The following KLHL25 variants were observed in gnomAD, a reference collection of about 807,000 sequenced individuals.
KLHL25 encodes kelch like family member 25.
In KLHL25, 41 loss-of-function variants were observed where a neutral mutation model predicts 30.0. The ratio of observed to expected loss-of-function variants is 1.37; its 90% CI spans 1.07 to 1.78. KLHL25 has a LOEUF of 1.78. Ranked by LOEUF, KLHL25 falls within the 40% of genes most tolerant of loss-of-function variation. The pLI is 0.00. For missense variants in KLHL25, 971 were observed against 824.5 expected (o/e 1.18, Z -2.18); for synonymous variants, 399 against 355.3 (o/e 1.12, Z -1.38).
intron 1 of KLHL25, among the ~76,000 whole-genome samples, chr15:85,772,901 G>A (rs188024627): frequency 6.6e-6 from 1 of 152,344 alleles, no homozygotes; most frequent in East Asian, 1.9e-4. Context: ...CTAGACAGCC[G>A]CCAGCCTGGG....
intron 1 of KLHL25, among the ~76,000 whole-genome samples, chr15:85,782,902 T>C (rs2089753826): frequency 6.6e-6 from 1 of 152,238 alleles, no homozygotes; most frequent in South Asian, 2.1e-4. Flanking sequence ...CATTGTTCTG[T>C]GTCATCTTTG....
intron 1 of KLHL25, among the ~76,000 whole-genome samples, chr15:85,778,372 C>T (rs78967916): frequency 2.5e-3 from 385 of 152,246 alleles, no homozygotes; most frequent in African/African-American, 9.0e-3. Flanking sequence ...AAAAATTTAC[C>T]GATAAGAAAA....
chr15:85,779,229 C>T (rs1271016645), intron 1 of KLHL25, among the ~76,000 whole-genome samples: 1 of 152,092 alleles, frequency 6.6e-6, no homozygotes, highest in African/African-American at 2.4e-5. Flanking sequence ...GGGAGCTCTA[C>T]AGACCAAGTG....
intron 1 of KLHL25, 57 bp from the exon 2 acceptor site, chr15:85,769,877 C>T: frequency 7.2e-7 from 1 of 1,390,060 alleles, no homozygotes; most frequent in African/African-American, 1.4e-5. Context: ...TCTGCCCTCT[C>T]AGGGCTCACT....
At chr15:85,770,599 G>A (rs778281346) in intron 1 of KLHL25, 1 of 528,776 alleles carries the variant, frequency 1.9e-6, no homozygotes, top group Non-Finnish European at 3.9e-6. Context: ...CTTGGAGGTG[G>A]GGCCGCCAGT....
At position 85,769,103 on chromosome 15, in the gene KLHL25, C is replaced by G; in HGVS notation, c.708G>C (p.Val236=). ...AGTCGGACGGCAGCAAGGCCAGACG[C>G]ACGCTGCGGAGGAGCTCGGGCAAGT... ...KVHLPELLRS[V]RLALLPSDCL... The change falls in exon 2 of 3, where the codon GTG becomes GTC. Residue 236 remains valine (V), a synonymous_variant. Transcript: ENST00000337975. 1 of 1,606,750 alleles carries G rather than the reference C, an allele frequency of 6.2e-7. No individual in the cohort carries two copies. Among genetic ancestry groups the G allele is most frequent in the Non-Finnish European group, 8.5e-7 (1 of 1,175,162 alleles).
chr15:85,785,172 C>G (rs1042618116), intron 1 of KLHL25, among the ~76,000 whole-genome samples: 1 of 151,124 alleles, frequency 6.6e-6, no homozygotes, highest in African/African-American at 2.4e-5. Flanking sequence ...CGGCTCACTG[C>G]CAGCTCCGCC....
intron 1 of KLHL25, among the ~76,000 whole-genome samples, chr15:85,774,761 AC>A (rs943831107): frequency 5.3e-5 from 8 of 152,232 alleles, no homozygotes; most frequent in African/African-American, 1.9e-4. Flanking sequence ...CCTGCGTAGT[AC>A]CCAGGCATGA....
intron 1 of KLHL25, among the ~76,000 whole-genome samples, chr15:85,782,858 T>C (rs967848354): frequency 1.3e-5 from 2 of 152,212 alleles, no homozygotes; most frequent in Non-Finnish European, 2.9e-5. Context: ...GGTCACTGCG[T>C]ATTGTGCCCT....
At chr15:85,762,618 G>A (rs538091657) in intron 2 of KLHL25, 1 of 152,528 alleles carries the variant, frequency 6.6e-6, no homozygotes, top group Admixed American at 6.5e-5. Context: ...CGTGCATCCT[G>A]TGGGTTGTTG....
chr15:85,776,030 G>A (rs367565826), intron 1 of KLHL25, among the ~76,000 whole-genome samples: 4 of 151,802 alleles, frequency 2.6e-5, no homozygotes, highest in East Asian at 1.9e-4. Flanking sequence ...AAAATTACCC[G>A]GGCATGTTGG....
At chr15:85,782,333 G>A (rs1027992096) in intron 1 of KLHL25, among the ~76,000 whole-genome samples, 1 of 151,912 alleles carries the variant, frequency 6.6e-6, no homozygotes, top group African/African-American at 2.4e-5. Flanking sequence ...ACCACTGCAG[G>A]CCAGGTTATG....
intron 1 of KLHL25, among the ~76,000 whole-genome samples, chr15:85,782,708 G>A (rs2089751824): frequency 6.6e-6 from 1 of 152,164 alleles, no homozygotes; most frequent in African/African-American, 2.4e-5. Flanking sequence ...GGTGCCCCAT[G>A]CGACACACAG....
chr15:85,766,185 G>A (rs1347062154), intron 2 of KLHL25, among the ~76,000 whole-genome samples: 4 of 152,352 alleles, frequency 2.6e-5, no homozygotes, highest in African/African-American at 7.2e-5. Context: ...GAGCCCACAC[G>A]TGGGGATCAC....
At chr15:85,776,549 GTTAT>G (rs1056519641) in intron 1 of KLHL25, among the ~76,000 whole-genome samples, 129 of 152,238 alleles carry the variant, frequency 8.5e-4, no homozygotes, top group African/African-American at 2.6e-3. Context: ...TATAGATCTT[GTTAT>G]TTAAACTGTA....
chr15:85,774,522 T>C (rs1267040961), intron 1 of KLHL25, among the ~76,000 whole-genome samples: 1 of 152,178 alleles, frequency 6.6e-6, no homozygotes, highest in Non-Finnish European at 1.5e-5. Flanking sequence ...TCACAGAAGA[T>C]TCCAGTGACC....
chr15:85,784,910 T>TGATG (rs2089770549), intron 1 of KLHL25, among the ~76,000 whole-genome samples: 1 of 152,128 alleles, frequency 6.6e-6, no homozygotes, highest in Non-Finnish European at 1.5e-5. Context: ...ACTAAGCCTG[T>TGATG]GATGATGTGT....
intron 1 of KLHL25, among the ~76,000 whole-genome samples, chr15:85,788,867 C>G (rs2089798252): frequency 6.6e-6 from 1 of 152,168 alleles, no homozygotes; most frequent in Admixed American, 6.5e-5. Context: ...TCTCACAAGC[C>G]CAGCTGGCTA....
rs1265993858 is a variant in KLHL25, at chr15:85,760,206, G to T, written c.*830C>A. On this transcript the variant is annotated 3_prime_UTR_variant, in exon 3 of 3. Coordinates refer to ENST00000337975, the MANE Select transcript of KLHL25 (RefSeq NM_022480.4). Reference sequence around the variant, plus strand: ...GTGGTCTCCTGGGGAGAAGCCCCCAGTGCTGTTGGCAGGTGTGTGCCATGG... The same window carrying T: ...GTGGTCTCCTGGGGAGAAGCCCCCATTGCTGTTGGCAGGTGTGTGCCATGG... The T allele has an allele frequency of 2.0e-5, 3 of 152,286 alleles. No homozygotes were observed. Among genetic ancestry groups the T allele is most frequent in the African/African-American group, 7.2e-5 (3 of 41,450 alleles). 9.4% of individuals were successfully genotyped at this position (152,286 alleles called of 1,614,324 possible). A position where few individuals can be genotyped will look rare whatever the true frequency, so the allele number is the denominator to read the frequency against.
Sources: allele counts gnomAD v4.1 joint callset (sites outside exome capture counted in the v4.1 genomes callset), GRCh38; gene constraint gnomAD v4.1.1; transcripts MANE v1.5; gene names NCBI Gene and HGNC (gene_info 2026-07-23, HGNC 2026-07-21).